Variants in SLC35E3 observed in about 807,000 individuals in gnomAD.
SLC35E3 encodes solute carrier family 35 member E3, also known as bladder cancer-overexpressed gene 1 protein.
A neutral mutation model predicts 30.8 loss-of-function variants in SLC35E3; 28 were observed. The observed-to-expected ratio is 0.91, with a 90% CI of 0.67 to 1.25. The LOEUF is 1.25. Among genes scored for constraint, SLC35E3 ranks in the 50% most tolerant of loss-of-function variants. The pLI is 0.00. For synonymous variants in SLC35E3, 146 were observed against 149.2 expected (o/e 0.98, Z 0.16); for missense variants, 365 against 375.4 (o/e 0.97, Z 0.23).
rs572452819 is a variant in SLC35E3 at position 68,777,294 on chromosome 12, C to A, written c.*12404C>A. The A allele has an allele frequency of 6.6e-6, 1 of 152,304 alleles. No homozygotes were observed. The highest frequency in any genetic ancestry group is 2.4e-5 in the African/African-American group (1 of 41,556). 9.4% of individuals were successfully genotyped at this position (152,304 alleles called of 1,614,324 possible). ...TGGCATGGAGTTATTGAATGCAGAA[C>A]TTTTCAGCCAAGCACAGTGCTATTC... On this transcript the variant is annotated 3_prime_UTR_variant, in exon 5 of 5. Transcript: ENST00000398004.
intron 3 of SLC35E3, among the ~76,000 whole-genome samples, chr12:68,756,784 G>A (rs1002907085): frequency 2.0e-5 from 3 of 152,164 alleles, no homozygotes; most frequent in Non-Finnish European, 2.9e-5. Context: ...GGCGGATCAC[G>A]AAGTCAGGAG....
At chr12:68,759,102 T>C (rs1329469781) in intron 3 of SLC35E3, 55 bp from the exon 4 acceptor site, 6 of 1,170,454 alleles carry the variant, frequency 5.1e-6, no homozygotes, top group African/African-American at 4.6e-5. Flanking sequence ...GTATCTTTGC[T>C]TGATGATTAT....
Position 68,770,308 on chromosome 12 carries a change from A to T in SLC35E3, c.*5418A>T, listed in dbSNP as rs1419354168. ...GGAGGCTATGGTAAGCATCTTTAGTAAGAGCAAGGGGGAGTGTTGTGAGCA... is the reference window on the plus strand; with the variant it reads ...GGAGGCTATGGTAAGCATCTTTAGTTAGAGCAAGGGGGAGTGTTGTGAGCA... On this transcript the variant is annotated 3_prime_UTR_variant, in exon 5 of 5. Coordinates refer to ENST00000398004, the MANE Select transcript of SLC35E3 (RefSeq NM_018656.5). 1 of 152,230 alleles carries T rather than the reference A, an allele frequency of 6.6e-6. No homozygotes were observed. Among genetic ancestry groups the T allele is most frequent in the East Asian group, 1.9e-4 (1 of 5,198 alleles). The allele number at this position is 152,230 out of a possible 1,614,324, so 9.4% of individuals were successfully genotyped here.
chr12:68,762,587 A>T (rs2136078067), intron 4 of SLC35E3, among the ~76,000 whole-genome samples: 1 of 152,328 alleles, frequency 6.6e-6, no homozygotes, highest in Non-Finnish European at 1.5e-5. Context: ...GAAATACCAC[A>T]TGTAGACTGC....
chr12:68,747,885 C>T (rs773524937), intron 1 of SLC35E3, 45 bp from the exon 2 acceptor site: 3 of 1,004,718 alleles, frequency 3.0e-6, no homozygotes, highest in Non-Finnish European at 4.7e-6. Flanking sequence ...AAATTTTTGT[C>T]TCTTGAATTT....
At position 68,753,836 on chromosome 12, in the gene SLC35E3, C is replaced by CACACA. The variant is rs553993443; in HGVS notation, c.672+1646_672+1647insACACA. Among the ~76,000 whole-genome samples, 232 of 68,006 alleles carry CACACA rather than the reference C, an allele frequency of 3.4e-3. 6 individuals carry two copies. The East Asian group carries it at 0.089, about 26-fold the overall frequency. 44.6% of individuals were successfully genotyped at this position (68,006 alleles called of 152,430 possible). A position where few individuals can be genotyped will look rare whatever the true frequency, so the allele number is the denominator to read the frequency against. On this transcript the variant is annotated intron_variant, in intron 3 of 4. Coordinates refer to ENST00000398004, the MANE Select transcript of SLC35E3 (RefSeq NM_018656.5). ...CACACACACACACACACACACACAC[C>CACACA]CCAATTAAACATCTATTTCTTTTCT... is the stretch of plus-strand genomic sequence containing the variant.
At chr12:68,763,339 AAAT>A (rs982108977) in intron 4 of SLC35E3, among the ~76,000 whole-genome samples, 2 of 152,078 alleles carry the variant, frequency 1.3e-5, no homozygotes, top group African/African-American at 4.8e-5. Context: ...TATATAGAAA[AAAT>A]AGTTATATTT....
rs1326855085 is a variant in SLC35E3, at chr12:68,765,093, C to G, written c.*203C>G. 1 of 393,744 alleles carries G rather than the reference C, an allele frequency of 2.5e-6. No homozygotes were observed. Among genetic ancestry groups the G allele is most frequent in the East Asian group, 4.6e-5 (1 of 21,718 alleles). 24.4% of individuals were successfully genotyped at this position (393,744 alleles called of 1,614,324 possible). ...CCAACATGGAGAAACCCTGTCTCAA[C>G]TAATAATACAAAATTAGCCAGGCGT... On this transcript the variant is annotated 3_prime_UTR_variant, in exon 5 of 5. Coordinates refer to ENST00000398004, the MANE Select transcript of SLC35E3 (RefSeq NM_018656.5).
chr12:68,751,083 G>A (rs570755754), intron 2 of SLC35E3, among the ~76,000 whole-genome samples: 1 of 152,240 alleles, frequency 6.6e-6, no homozygotes, highest in Admixed American at 6.5e-5. Context: ...GTATTTTAGG[G>A]TTAGTGATTA....
In SLC35E3 at chr12:68,746,789, T is replaced by A. The variant is rs1249507006; in HGVS notation, c.402+10T>A. 1 of 1,552,848 alleles carries A rather than the reference T, an allele frequency of 6.4e-7. No individual in the cohort carries two copies. The highest frequency in any genetic ancestry group is 8.7e-7 in the Non-Finnish European group (1 of 1,148,176). ...AATCCAGCTCACGCTGGTGAGTAGC[T>A]TCAGCTTCCCAAGGCGCCGCTCTCC... On this transcript the variant is annotated intron_variant, in intron 1 of 4. Coordinates refer to ENST00000398004, the MANE Select transcript of SLC35E3 (RefSeq NM_018656.5).
intron 3 of SLC35E3, among the ~76,000 whole-genome samples, chr12:68,753,070 C>T (rs1318366272): frequency 6.8e-6 from 1 of 147,942 alleles, no homozygotes. Flanking sequence ...TCACTTGAAC[C>T]CGTGAGGTGG....
rs567134447 is a variant in SLC35E3, at chr12:68,780,849, T to C, written c.*15959T>C. On this transcript the variant is annotated 3_prime_UTR_variant, in exon 5 of 5. Coordinates refer to ENST00000398004, the MANE Select transcript of SLC35E3 (RefSeq NM_018656.5). ...TGCTTTTCTGAGAGCCTTACCTCTC[T>C]TGTGATTTGAAGCATTTTCTCCACC... 6.6e-6 allele frequency: 1 copy of C among 152,338 alleles called. No individual in the cohort carries two copies. The highest frequency in any genetic ancestry group is 2.1e-4 in the South Asian group (1 of 4,828). The allele number at this position is 152,338 out of a possible 1,614,324, so 9.4% of individuals were successfully genotyped here.
chr12:68,755,741 C>T (rs1244137728), intron 3 of SLC35E3, among the ~76,000 whole-genome samples: 1 of 152,094 alleles, frequency 6.6e-6, no homozygotes, highest in African/African-American at 2.4e-5. Context: ...AAACAGCTAG[C>T]TCTCATGAGA....
At chr12:68,748,183 T>G in intron 2 of SLC35E3, 143 bp downstream of exon 2, 1 of 568,154 alleles carries the variant, frequency 1.8e-6, no homozygotes, top group Non-Finnish European at 3.1e-6. Flanking sequence ...TGACTCAAGG[T>G]GAAGAGAAGA....
rs888650767 is a variant in SLC35E3 at position 68,777,904 on chromosome 12, G to C, written c.*13014G>C. 6.6e-6 allele frequency: 1 copy of C among 152,340 alleles called. No homozygotes were observed. The highest frequency in any genetic ancestry group is 1.5e-5 in the Non-Finnish European group (1 of 68,164). The allele number at this position is 152,340 out of a possible 1,614,324, so 9.4% of individuals were successfully genotyped here. A position where few individuals can be genotyped will look rare whatever the true frequency, so the allele number is the denominator to read the frequency against. ...AGGCCAAGGTGGGCGGATCACTTGA[G>C]ATCAGGAGTTTAAGACCAGCCTGGC... On this transcript the variant is annotated 3_prime_UTR_variant, in exon 5 of 5. Coordinates refer to ENST00000398004, the MANE Select transcript of SLC35E3 (RefSeq NM_018656.5).
intron 3 of SLC35E3, among the ~76,000 whole-genome samples, chr12:68,753,834 A>ACACACACC (rs762941770): frequency 1.8e-4 from 26 of 148,044 alleles, no homozygotes; most frequent in South Asian, 8.7e-4. Context: ...ACACACACAC[A>ACACACACC]CCCCAATTAA....
At position 68,767,350 on chromosome 12, in the gene SLC35E3, C is replaced by T. The variant is rs1451765221; in HGVS notation, c.*2460C>T. On this transcript the variant is annotated 3_prime_UTR_variant, in exon 5 of 5. Transcript: ENST00000398004. Reference sequence around the variant, plus strand: ...CCCGGGCAACATGGCAAAACCCTGTCTGCAAAAAATACAAAAATTAGCCGG... The same window carrying T: ...CCCGGGCAACATGGCAAAACCCTGTTTGCAAAAAATACAAAAATTAGCCGG... The T allele has an allele frequency of 6.6e-6, 1 of 151,976 alleles. No homozygotes were observed. The allele number at this position is 151,976 out of a possible 1,614,324, so 9.4% of individuals were successfully genotyped here. A position where few individuals can be genotyped will look rare whatever the true frequency, so the allele number is the denominator to read the frequency against.
intron 4 of SLC35E3, among the ~76,000 whole-genome samples, chr12:68,762,876 GC>G (rs1242563862): frequency 2.0e-5 from 3 of 152,180 alleles, no homozygotes; most frequent in Non-Finnish European, 4.4e-5. Context: ...CACTGCTGCT[GC>G]CCAGCGGGAA....
chr12:68,751,734 T>G (rs1878802013), intron 2 of SLC35E3, among the ~76,000 whole-genome samples: 1 of 152,230 alleles, frequency 6.6e-6, no homozygotes, highest in Non-Finnish European at 1.5e-5. Flanking sequence ...TATATGCATT[T>G]ATTTTTCCCT....
Sources: gnomAD v4.1 joint callset for allele counts (sites outside exome capture counted in the v4.1 genomes callset) on GRCh38, gnomAD v4.1.1 for gene constraint, MANE v1.5 for transcripts, NCBI Gene and HGNC (gene_info 2026-07-23, HGNC 2026-07-21) for gene names.